The following OPCML variants were observed in gnomAD, a reference collection of about 807,000 sequenced individuals.
The protein encoded by OPCML is opioid-binding protein/cell adhesion molecule.
A neutral mutation model predicts 37.8 loss-of-function variants in OPCML; 13 were observed. The ratio of observed to expected loss-of-function variants is 0.34; its 90% CI spans 0.22 to 0.55. OPCML has a LOEUF of 0.55. Ranked by LOEUF, OPCML falls within the 20% of genes least tolerant of loss-of-function variation. OPCML has a pLI of 0.91. For synonymous variants in OPCML, 176 were observed against 168.8 expected, an observed-to-expected ratio of 1.04 and a Z score of -0.33; for missense variants, 341 against 435.6, an observed-to-expected ratio of 0.78 and a Z score of 1.93.
chr11:132,895,736 A>G (rs1230710215), intron 2 of OPCML, among the ~76,000 whole-genome samples: 2 of 152,128 alleles, frequency 1.3e-5, no homozygotes. Context: ...TGCATTGTCT[A>G]AGAAAATGGT....
chr11:132,447,900 C>G (rs1295576205), intron 4 of OPCML, among the ~76,000 whole-genome samples: 1 of 152,218 alleles, frequency 6.6e-6, no homozygotes, highest in South Asian at 2.1e-4. Flanking sequence ...GCTCCAGGCT[C>G]ATCAGCTATA....
chr11:133,217,631 T>G (rs891396861), intron 1 of OPCML, among the ~76,000 whole-genome samples: 2 of 152,130 alleles, frequency 1.3e-5, no homozygotes, highest in African/African-American at 4.8e-5. Flanking sequence ...GAAGCCCTCT[T>G]CAGCCCAATT....
Position 133,088,240 on chromosome 11 carries a change from C to CATT in OPCML, c.62-145231_62-145230insAAT, listed in dbSNP as rs34406968. On this transcript the variant is annotated intron_variant, in intron 1 of 7. Coordinates refer to ENST00000524381, the MANE Select transcript of OPCML (RefSeq NM_001012393.5). ...ACCACGGCTTTGCTAAGTACTGAGA[C>CATT]AGAAAACTTCATGGTTTTCCATTGA... 1.4e-3 allele frequency among the ~76,000 whole-genome samples: 15 copies of CATT among 10,856 alleles called. No individual in the cohort carries two copies. In the South Asian group the frequency reaches 0.035, roughly 25 times the overall value. The allele number at this position is 10,856 out of a possible 152,430, so 7.1% of individuals were successfully genotyped here.
intron 1 of OPCML, among the ~76,000 whole-genome samples, chr11:133,138,682 G>A (rs1228175296): frequency 6.6e-6 from 1 of 152,108 alleles, no homozygotes; most frequent in Non-Finnish European, 1.5e-5. Context: ...TCCCACAGAT[G>A]AAGGGAACAT....
chr11:132,734,764 C>T (rs1349186789), intron 2 of OPCML, among the ~76,000 whole-genome samples: 4 of 152,074 alleles, frequency 2.6e-5, no homozygotes, highest in South Asian at 2.1e-4. Context: ...ACTGTAAAAA[C>T]GTAAAGTACA....
chr11:133,059,317 C>T (rs898524673), intron 1 of OPCML, among the ~76,000 whole-genome samples: 3 of 152,182 alleles, frequency 2.0e-5, no homozygotes, highest in Non-Finnish European at 4.4e-5. Context: ...AGAGTGTGAT[C>T]CACAAATCTC....
chr11:132,622,147 A>T (rs1348378137), intron 3 of OPCML, among the ~76,000 whole-genome samples: 1 of 150,130 alleles, frequency 6.7e-6, no homozygotes, highest in Non-Finnish European at 1.5e-5. Context: ...GAGAATAATA[A>T]AAAAAAAAAG....
rs987038591 is a variant in OPCML, at chr11:133,007,767, A to G, written c.62-64757T>C. The G allele has an allele frequency of 5.1e-6, 5 of 985,332 alleles. No individual in the cohort carries two copies. The Admixed American group carries it at 3.1e-4, about 61-fold the overall frequency. The allele number at this position is 985,332 out of a possible 1,614,324, so 61.0% of individuals were successfully genotyped here. ...CAGAGTGGTGAAAAGACGCAGGCAT[A>G]GACATTTTGAATAGTTAGCACATGT... On this transcript the variant is annotated intron_variant, in intron 1 of 7. Coordinates refer to ENST00000524381, the MANE Select transcript of OPCML (RefSeq NM_001012393.5).
chr11:133,156,410 C>T (rs952403458), intron 1 of OPCML, among the ~76,000 whole-genome samples: 2 of 152,296 alleles, frequency 1.3e-5, no homozygotes, highest in South Asian at 2.1e-4. Flanking sequence ...GTGGGGAGGG[C>T]GAGCCCCTTC....
chr11:133,011,304 T>C (rs1016855083), intron 1 of OPCML, among the ~76,000 whole-genome samples: 2 of 152,152 alleles, frequency 1.3e-5, no homozygotes, highest in African/African-American at 4.8e-5. Flanking sequence ...AAGAAATTCT[T>C]AGTCACAGTT....
intron 3 of OPCML, among the ~76,000 whole-genome samples, chr11:132,625,978 A>G (rs1939717623): frequency 1.3e-5 from 2 of 152,026 alleles, no homozygotes; most frequent in South Asian, 4.1e-4. Context: ...TTTGAATCAT[A>G]TGTTTAAATA....
intron 4 of OPCML, among the ~76,000 whole-genome samples, chr11:132,492,510 C>G (rs1233652518): frequency 1.3e-5 from 2 of 151,910 alleles, no homozygotes; most frequent in Non-Finnish European, 2.9e-5. Context: ...TTGTTGTTGT[C>G]ATTGTTGTTG....
chr11:132,588,453 C>T (rs760683518), intron 3 of OPCML, among the ~76,000 whole-genome samples: 6 of 152,132 alleles, frequency 3.9e-5, no homozygotes, highest in Non-Finnish European at 7.4e-5. Context: ...ATTACTACAG[C>T]AATGGATTCC....
At chr11:133,359,801 C>T (rs1283979771) in intron 1 of OPCML, among the ~76,000 whole-genome samples, 2 of 152,074 alleles carry the variant, frequency 1.3e-5, no homozygotes, top group Admixed American at 1.3e-4. Context: ...CGGTATTTAG[C>T]GTATTAGTTG....
intron 4 of OPCML, among the ~76,000 whole-genome samples, chr11:132,472,254 G>A (rs973530499): frequency 1.3e-5 from 2 of 152,164 alleles, no homozygotes; most frequent in Admixed American, 1.3e-4. Context: ...GACCTTTGAA[G>A]GCAAAGACAG....
intron 1 of OPCML, among the ~76,000 whole-genome samples, chr11:133,471,892 C>G (rs1045440402): frequency 1.3e-5 from 2 of 152,112 alleles, no homozygotes; most frequent in Non-Finnish European, 2.9e-5. Context: ...TCCCTGCAAC[C>G]CTGACCAGCA....
At chr11:133,323,721 ATAAAGAGATTC>A (rs1943387241) in intron 1 of OPCML, among the ~76,000 whole-genome samples, 1 of 152,216 alleles carries the variant, frequency 6.6e-6, no homozygotes, top group Non-Finnish European at 1.5e-5. Context: ...CTTGAGATGC[ATAAAGAGATTC>A]TGGGAGAAAA....
chr11:132,803,471 T>C (rs1938806061), intron 2 of OPCML, among the ~76,000 whole-genome samples: 1 of 152,172 alleles, frequency 6.6e-6, no homozygotes, highest in Admixed American at 6.5e-5. Flanking sequence ...TCCCACCACT[T>C]TTTCTGCACC....
At chr11:133,286,295 A>G (rs974048709) in intron 1 of OPCML, among the ~76,000 whole-genome samples, 1 of 151,922 alleles carries the variant, frequency 6.6e-6, no homozygotes, top group Admixed American at 6.6e-5. Flanking sequence ...CTAAAAATAC[A>G]AAATAAATAA....
Sources: allele counts gnomAD v4.1 joint callset (sites outside exome capture counted in the v4.1 genomes callset), GRCh38; gene constraint gnomAD v4.1.1; transcripts MANE v1.5; gene names NCBI Gene and HGNC (gene_info 2026-07-23, HGNC 2026-07-21).